PTPRQ: variants seen among roughly 807,000 people sequenced by gnomAD.
PTPRQ encodes phosphatidylinositol phosphatase PTPRQ.
A neutral mutation model predicts 246.0 loss-of-function variants in PTPRQ; 199 were observed. That is an observed-to-expected ratio of 0.81 (90% confidence interval 0.72 to 0.91). The LOEUF (loss-of-function observed/expected upper bound fraction) is 0.91. Among genes scored for constraint, PTPRQ ranks in the 40% least tolerant of loss-of-function variants. The probability of loss-of-function intolerance (pLI) is 0.00; values close to 1 mark genes in which losing one functional copy is unlikely to be tolerated. For synonymous variants in PTPRQ, 869 were observed against 853.2 expected (o/e 1.02, Z -0.32); for missense variants, 2,624 against 2,528.4 (o/e 1.04, Z -0.81).
chr12:80,508,441 G>T (rs4129046), intron 16 of PTPRQ, among the ~76,000 whole-genome samples: 48,851 of 151,796 alleles, frequency 0.32, 9,147 homozygotes, highest in African/African-American at 0.51. Context: ...AAAGCGTAGC[G>T]GTGGAAGTTA....
chr12:80,457,271 A>G (rs1893009608), intron 3 of PTPRQ, among the ~76,000 whole-genome samples: 1 of 152,114 alleles, frequency 6.6e-6, no homozygotes, highest in South Asian at 2.1e-4. Context: ...TATATCAGAG[A>G]AAGACTGAGC....
Position 80,558,856 on chromosome 12 carries a change from T to G in PTPRQ, c.4285+9122T>G, listed in dbSNP as rs533171092. Among the ~76,000 whole-genome samples the G allele has an allele frequency of 9.2e-5, 14 of 152,372 alleles. No individual in the cohort carries two copies. The South Asian group carries it at 2.7e-3, about 29-fold the overall frequency. Reference sequence around the variant, plus strand: ...AATAGCTAATTGAATATATTTTTTATGTACTTATGTACCATCTGTATATCC... The same window carrying G: ...AATAGCTAATTGAATATATTTTTTAGGTACTTATGTACCATCTGTATATCC... On this transcript the variant is annotated intron_variant, in intron 25 of 44. Coordinates refer to ENST00000644991, the MANE Select transcript of PTPRQ (RefSeq NM_001145026.2).
At chr12:80,583,512 T>C (rs1462133840) in intron 25 of PTPRQ, among the ~76,000 whole-genome samples, 1 of 152,184 alleles carries the variant, frequency 6.6e-6, no homozygotes, top group Non-Finnish European at 1.5e-5. Context: ...ATGCAGGCTA[T>C]ACAAACTAAT....
rs562763754 is a variant in PTPRQ, at chr12:80,514,923, T to C, written c.2678+4480T>C. Among the ~76,000 whole-genome samples the C allele has an allele frequency of 5.1e-4, 76 of 148,214 alleles. 1 individual carries two copies. The highest frequency in any genetic ancestry group is 9.8e-4 in the Non-Finnish European group (66 of 67,224). ...GACCTTAACATATTCAAGAATATTA[T>C]CTATAATATATATGTAATATATATA... On this transcript the variant is annotated intron_variant, in intron 17 of 44. Transcript: ENST00000644991.
At chr12:80,562,061 A>G (rs1896843571) in intron 25 of PTPRQ, among the ~76,000 whole-genome samples, 1 of 152,098 alleles carries the variant, frequency 6.6e-6, no homozygotes, top group African/African-American at 2.4e-5. Context: ...GCTTGTTAAT[A>G]AGGTGGATTA....
At position 80,608,254 on chromosome 12, in the gene PTPRQ, AT is replaced by A. The variant is rs953295255; in HGVS notation, c.4732-2183del. On this transcript the variant is annotated intron_variant, in intron 27 of 44. Coordinates refer to ENST00000644991, the MANE Select transcript of PTPRQ (RefSeq NM_001145026.2). ...GATGAAAGACATTTTATAACAATAG[AT>A]TATCAAGTACAATATGAGCAAACAA... is the stretch of plus-strand genomic sequence containing the variant. Among the ~76,000 whole-genome samples, 5 of 150,666 alleles carry A rather than the reference AT, an allele frequency of 3.3e-5. No individual in the cohort carries two copies. In the Admixed American group the frequency reaches 3.3e-4, roughly 10 times the overall value.
chr12:80,647,592 T>C (rs1003055312), intron 35 of PTPRQ, among the ~76,000 whole-genome samples: 1 of 152,212 alleles, frequency 6.6e-6, no homozygotes, highest in Non-Finnish European at 1.5e-5. Context: ...TGTTACTATG[T>C]CAGAGATATT....
intron 14 of PTPRQ, among the ~76,000 whole-genome samples, chr12:80,500,726 G>T (rs1384908633): frequency 6.6e-6 from 1 of 151,728 alleles, no homozygotes; most frequent in African/African-American, 2.4e-5. Context: ...GCTTTTATGG[G>T]TTCCATATTA....
At chr12:80,674,808 C>T (rs890377399) in intron 43 of PTPRQ, among the ~76,000 whole-genome samples, 3 of 152,022 alleles carry the variant, frequency 2.0e-5, no homozygotes, top group Admixed American at 6.6e-5. Context: ...ACATATTTTA[C>T]ATTTTTATGC....
Position 80,493,395 on chromosome 12 carries a change from A to G in PTPRQ, c.1480A>G (p.Ser494Gly). 6.5e-7 allele frequency: 1 copy of G among 1,550,218 alleles called. No homozygotes were observed. ...LHSLATFIYN[S>G]HPDKNFPARN... ...CTCACTTGCTACATTTATATATAAC[A>G]GCCATCCAGATAAAAACTTTCCTGC... The change falls in exon 10 of 45, where the codon AGC (serine) becomes GGC (glycine). Residue 494 changes from serine (S) to glycine (G), a missense_variant. Physicochemically the swap from Ser to Gly is moderately conservative, Grantham distance 56. Transcript: ENST00000644991.
chr12:80,670,209 T>C, intron 41 of PTPRQ, 135 bp from the exon 42 acceptor site: 1 of 1,283,374 alleles, frequency 7.8e-7, no homozygotes, highest in East Asian at 2.6e-5. Flanking sequence ...TTATAGGAAA[T>C]AATGAAAACA....
At chr12:80,542,997 CTTCT>C in intron 23 of PTPRQ, 116 bp downstream of exon 23, 1 of 744,564 alleles carries the variant, frequency 1.3e-6, no homozygotes, top group South Asian at 3.1e-5. Flanking sequence ...TTTTTTTAAA[CTTCT>C]TTATTTCCTA....
rs753476866 is a variant in PTPRQ at position 80,495,241 on chromosome 12, T to G, written c.1752T>G (p.Ser584=). ...ACTATAAAAATATTAGTTCTTCATC[T>G]ATTTTGTTATATTGGGATCCTCCAG... ...IINYKNISSS[S]ILLYWDPPEY... The change falls in exon 12 of 45, where the codon TCT becomes TCG. Residue 584 remains serine (S), a synonymous_variant. Transcript: ENST00000644991. 5.8e-6 allele frequency: 9 copies of G among 1,540,358 alleles called. No individual in the cohort carries two copies. In the South Asian group the frequency reaches 1.1e-4, roughly 19 times the overall value.
intron 9 of PTPRQ, among the ~76,000 whole-genome samples, chr12:80,485,229 G>T (rs916093141): frequency 6.6e-6 from 1 of 152,074 alleles, no homozygotes; most frequent in African/African-American, 2.4e-5. Flanking sequence ...GGAAGTACAG[G>T]CAACACTGAT....
At chr12:80,615,299 T>C (rs1898709683) in intron 29 of PTPRQ, among the ~76,000 whole-genome samples, 1 of 151,066 alleles carries the variant, frequency 6.6e-6, no homozygotes, top group Admixed American at 6.6e-5. Flanking sequence ...ATGTATATTG[T>C]AATATTAACT....
At chr12:80,655,375 A>G (rs1439854799) in intron 38 of PTPRQ, among the ~76,000 whole-genome samples, 1 of 152,148 alleles carries the variant, frequency 6.6e-6, no homozygotes, top group African/African-American at 2.4e-5. Flanking sequence ...CATTCAAAAT[A>G]TTAGTTCTTA....
At chr12:80,469,296 C>A (rs887033593) in intron 7 of PTPRQ, among the ~76,000 whole-genome samples, 1 of 152,072 alleles carries the variant, frequency 6.6e-6, no homozygotes, top group Non-Finnish European at 1.5e-5. Flanking sequence ...TGCTGTGGAC[C>A]TAAAACTGCT....
chr12:80,673,794 T>C (rs1901049617), intron 43 of PTPRQ, among the ~76,000 whole-genome samples: 1 of 152,100 alleles, frequency 6.6e-6, no homozygotes, highest in Admixed American at 6.6e-5. Context: ...AACTGTGAGG[T>C]TTTTGTTTGT....
At chr12:80,573,806 A>G (rs1897213966) in intron 25 of PTPRQ, among the ~76,000 whole-genome samples, 1 of 152,134 alleles carries the variant, frequency 6.6e-6, no homozygotes, top group Non-Finnish European at 1.5e-5. Context: ...CTTTTATATT[A>G]ATTAATGTTC....
Sources: gnomAD v4.1 joint callset for allele counts (sites outside exome capture counted in the v4.1 genomes callset) on GRCh38, gnomAD v4.1.1 for gene constraint, MANE v1.5 for transcripts, NCBI Gene and HGNC (gene_info 2026-07-23, HGNC 2026-07-21) for gene names.